The following HERC3 variants were observed in gnomAD, a reference collection of about 807,000 sequenced individuals.
The protein encoded by HERC3 is HECT and RLD domain containing E3 ubiquitin protein ligase 3, also known as probable E3 ubiquitin-protein ligase HERC3.
In HERC3, 58 loss-of-function variants were observed where a neutral mutation model predicts 129.9. That is an observed-to-expected ratio of 0.45 (90% CI 0.36 to 0.56). The LOEUF (loss-of-function observed/expected upper bound fraction) is 0.56, where lower values mean the gene tolerates loss of function less well. HERC3 is among the 20% of genes least tolerant of loss of function. The pLI is 0.00. For synonymous variants in HERC3, 430 were observed against 451.0 expected (o/e 0.95, Z 0.59); for missense variants, 835 against 1,244.2 (o/e 0.67, Z 4.95).
At chr4:88,684,653 C>G (rs1006060074) in intron 21 of HERC3, among the ~76,000 whole-genome samples, 2 of 152,052 alleles carry the variant, frequency 1.3e-5, no homozygotes, top group African/African-American at 2.4e-5. Flanking sequence ...AGCTTCTGCA[C>G]AGCAAAAGAA....
At chr4:88,624,750 CT>C (rs954388953) in intron 3 of HERC3, among the ~76,000 whole-genome samples, 1 of 152,186 alleles carries the variant, frequency 6.6e-6, no homozygotes, top group South Asian at 2.1e-4. Context: ...ACAGTTTATG[CT>C]TTTTGTGTCC....
chr4:88,572,450 A>G, the HERC3 span, among the ~76,000 whole-genome samples: 2 of 151,806 alleles, frequency 1.3e-5, no homozygotes, highest in Non-Finnish European at 2.9e-5. Flanking sequence ...CAAAAACAAA[A>G]CATGTATATG....
intron 2 of HERC3, among the ~76,000 whole-genome samples, chr4:88,603,233 G>A (rs1723219816): frequency 6.9e-6 from 1 of 144,790 alleles, no homozygotes; most frequent in African/African-American, 2.6e-5. Context: ...TTGAGGTGGA[G>A]TTTTGCTCTT....
At chr4:88,690,192 A>G in intron 23 of HERC3, 1 of 982,832 alleles carries the variant, frequency 1.0e-6, no homozygotes, top group South Asian at 4.7e-5. Flanking sequence ...CCTTTATATA[A>G]CATTGGTACT....
the HERC3 span, among the ~76,000 whole-genome samples, chr4:88,568,806 C>T: frequency 5.9e-5 from 9 of 151,696 alleles, no homozygotes; most frequent in Non-Finnish European, 1.2e-4. Context: ...CTGGTGCCCT[C>T]TTCCACTGCA....
intron 2 of HERC3, among the ~76,000 whole-genome samples, chr4:88,597,006 A>T (rs1722472272): frequency 6.6e-6 from 1 of 152,122 alleles, no homozygotes; most frequent in Non-Finnish European, 1.5e-5. Flanking sequence ...GATGGAGTTT[A>T]TTTTTTACTG....
At position 88,646,622 on chromosome 4, in the gene HERC3, A is replaced by G. The variant is rs141507500; in HGVS notation, c.227-3218A>G. On this transcript the variant is annotated intron_variant, in intron 3 of 25. Transcript: ENST00000402738. ...GTATAGTCTTGACGGAATGGATCAAAAGAGACTGCATGTGAAAATGAATCA... is the reference window on the plus strand; with the variant it reads ...GTATAGTCTTGACGGAATGGATCAAGAGAGACTGCATGTGAAAATGAATCA... Among the ~76,000 whole-genome samples, 378 of 152,292 alleles carry G rather than the reference A, an allele frequency of 2.5e-3. 1 individual carries two copies. Among genetic ancestry groups the G allele is most frequent in the African/African-American group, 8.0e-3 (332 of 41,546 alleles).
rs375771409 is a variant in HERC3 at position 88,706,920 on chromosome 4, C to T, written c.3113C>T (p.Thr1038Ile). 6.8e-6 allele frequency: 11 copies of T among 1,614,180 alleles called. No individual in the cohort carries two copies. The highest frequency in any genetic ancestry group is 1.3e-5 in the African/African-American group (1 of 75,054). ...AAAGAGATTCTGAGTGCCCGGCTGA[C>T]CCAGGCCCTTGACAACTATGAAGGG... ...SSKEILSARLTQALDNYEGFS... is the reference protein window; with the variant it reads ...SSKEILSARLIQALDNYEGFS... The change falls in exon 26 of 26, where the codon ACC becomes ATC. Residue 1038 changes from threonine to isoleucine, a missense_variant. Physicochemically the swap from Thr to Ile is moderately conservative, Grantham distance 89. Transcript: ENST00000402738.
chr4:88,533,510 A>C, the HERC3 span, among the ~76,000 whole-genome samples: 13,766 of 152,224 alleles, frequency 0.09, 1,912 homozygotes, highest in African/African-American at 0.3. Context: ...CTATGTGAGT[A>C]ATTTGATGCT....
chr4:88,695,001 A>G (rs1734451411), intron 23 of HERC3, among the ~76,000 whole-genome samples: 1 of 152,168 alleles, frequency 6.6e-6, no homozygotes, highest in Non-Finnish European at 1.5e-5. Context: ...CCCAATACTT[A>G]TGCCTCTTAG....
intron 23 of HERC3, among the ~76,000 whole-genome samples, chr4:88,695,131 A>G (rs1452255881): frequency 6.6e-6 from 1 of 152,128 alleles, no homozygotes; most frequent in East Asian, 1.9e-4. Flanking sequence ...CTCTATTAAG[A>G]TAATCATATG....
the HERC3 span, among the ~76,000 whole-genome samples, chr4:88,577,500 A>G: frequency 6.6e-6 from 1 of 151,372 alleles, no homozygotes; most frequent in Non-Finnish European, 1.5e-5. Flanking sequence ...ATTACCTTCA[A>G]CCAAATGAAT....
the HERC3 span, among the ~76,000 whole-genome samples, chr4:88,580,520 A>G: frequency 6.6e-6 from 1 of 152,222 alleles, no homozygotes; most frequent in East Asian, 1.9e-4. Context: ...GTCTCAATTT[A>G]AAAAAAGGAA....
At chr4:88,678,253 C>A in intron 19 of HERC3, 119 bp downstream of exon 19, 1 of 854,492 alleles carries the variant, frequency 1.2e-6, no homozygotes, top group Non-Finnish European at 1.8e-6. Flanking sequence ...ATTCATTTTG[C>A]AAGAATTTAA....
intron 2 of HERC3, chr4:88,597,883 T>G (rs1006360786): frequency 4.6e-5 from 7 of 152,238 alleles, no homozygotes; most frequent in South Asian, 2.1e-4. Flanking sequence ...CTATGACATT[T>G]CTGTCTTTGG....
the HERC3 span, among the ~76,000 whole-genome samples, chr4:88,539,832 T>A: frequency 6.6e-6 from 1 of 152,128 alleles, no homozygotes; most frequent in East Asian, 1.9e-4. Flanking sequence ...CCAACAGAAC[T>A]ATAGCTGAGG....
At chr4:88,619,992 T>C (rs1046602859) in intron 3 of HERC3, among the ~76,000 whole-genome samples, 5 of 152,214 alleles carry the variant, frequency 3.3e-5, no homozygotes, top group Admixed American at 3.3e-4. Flanking sequence ...AATCTTGTAA[T>C]ACAGTCAACT....
rs1730151866 is a variant in HERC3 at position 88,658,483 on chromosome 4, A to G, written c.1138A>G (p.Lys380Glu). 1 of 1,583,786 alleles carries G rather than the reference A, an allele frequency of 6.3e-7. No homozygotes were observed. The highest frequency in any genetic ancestry group is 1.1e-5 in the South Asian group (1 of 89,014). The change falls in exon 10 of 26, where the codon AAA becomes GAA. Residue 380 changes from lysine to glutamate, a missense_variant. Coordinates refer to ENST00000402738, the MANE Select transcript of HERC3 (RefSeq NM_014606.3). ...AGACCAGACTTTTGTACTTTGCTCCAAATACGAGGTAAAATTTTTCTTGTG... is the reference window on the plus strand; with the variant it reads ...AGACCAGACTTTTGTACTTTGCTCCGAATACGAGGTAAAATTTTTCTTGTG... The part of the protein sequence containing the change: ...GGDQTFVLCS[K>E]YENYSPAVDF...
intron 23 of HERC3, among the ~76,000 whole-genome samples, chr4:88,687,661 T>C (rs1380816498): frequency 6.6e-6 from 1 of 152,202 alleles, no homozygotes; most frequent in Admixed American, 6.5e-5. Flanking sequence ...GAAAATACTT[T>C]GGAATGAATG....
Sources: allele counts gnomAD v4.1 joint callset (sites outside exome capture counted in the v4.1 genomes callset), GRCh38; gene constraint gnomAD v4.1.1; transcripts MANE v1.5; gene names NCBI Gene and HGNC (gene_info 2026-07-23, HGNC 2026-07-21).